The following PTPRN2 variants were observed in gnomAD, a reference collection of about 807,000 sequenced individuals.
PTPRN2 encodes the protein receptor-type tyrosine-protein phosphatase N2.
Under a neutral mutation model 118.8 loss-of-function variants are expected in PTPRN2, and 74 were observed. That is an observed-to-expected ratio of 0.62 (90% CI 0.52 to 0.76). The LOEUF (loss-of-function observed/expected upper bound fraction) is 0.76, where lower values mean the gene tolerates loss of function less well. PTPRN2 is among the 30% of genes least tolerant of loss of function. The pLI, the probability that PTPRN2 is intolerant of heterozygous loss-of-function variation, is 0.00. For synonymous variants in PTPRN2, 641 were observed against 608.0 expected (o/e 1.05, Z -0.80); for missense variants, 1,481 against 1,394.4 (o/e 1.06, Z -0.99).
rs1004064202 is a variant in PTPRN2, at chr7:158,301,792, A to G, written c.277+15027T>C. 2.0e-5 allele frequency among the ~76,000 whole-genome samples: 3 copies of G among 152,162 alleles called. No homozygotes were observed. In the South Asian group the frequency reaches 6.2e-4, roughly 32 times the overall value. Reference sequence around the variant, plus strand: ...GGCAAAACCCCATCTCTGCCAAAAAATACGAAAATTAGCTGGGCATGGTGG... The same window carrying G: ...GGCAAAACCCCATCTCTGCCAAAAAGTACGAAAATTAGCTGGGCATGGTGG... On this transcript the variant is annotated intron_variant, in intron 3 of 22. Coordinates refer to ENST00000389418, the MANE Select transcript of PTPRN2 (RefSeq NM_002847.5).
chr7:158,231,166 C>T (rs1473784491), intron 3 of PTPRN2, among the ~76,000 whole-genome samples: 1 of 152,106 alleles, frequency 6.6e-6, no homozygotes, highest in Non-Finnish European at 1.5e-5. Flanking sequence ...ACTTGGGATG[C>T]TGAGGTGGGA....
chr7:158,385,813 A>G (rs1308311807), intron 2 of PTPRN2, among the ~76,000 whole-genome samples: 2 of 151,814 alleles, frequency 1.3e-5, no homozygotes, highest in South Asian at 2.1e-4. Flanking sequence ...GGTGAACACC[A>G]TGGATTTCAT....
intron 9 of PTPRN2, among the ~76,000 whole-genome samples, chr7:158,130,711 CAT>C (rs1325413095): frequency 2.0e-5 from 3 of 151,562 alleles, no homozygotes; most frequent in Non-Finnish European, 2.9e-5. Context: ...AACACACACT[CAT>C]ATACACACAT....
chr7:158,108,261 C>T (rs1815850939), intron 10 of PTPRN2, among the ~76,000 whole-genome samples: 1 of 152,196 alleles, frequency 6.6e-6, no homozygotes, highest in East Asian at 1.9e-4. Flanking sequence ...AATAGCCCCC[C>T]CTCACCTGGA....
chr7:158,475,741 C>A (rs961621687), intron 2 of PTPRN2, among the ~76,000 whole-genome samples: 2 of 152,172 alleles, frequency 1.3e-5, no homozygotes, highest in Admixed American at 1.3e-4. Flanking sequence ...CAAGCCAAGG[C>A]ACACACACAC....
chr7:158,328,043 A>G (rs994649661), intron 2 of PTPRN2, among the ~76,000 whole-genome samples: 21 of 152,340 alleles, frequency 1.4e-4, no homozygotes, highest in African/African-American at 4.6e-4. Context: ...GAGGGAGAAA[A>G]AGCCCTTTAT....
At chr7:158,408,814 C>T (rs1280828855) in intron 2 of PTPRN2, among the ~76,000 whole-genome samples, 1 of 152,002 alleles carries the variant, frequency 6.6e-6, no homozygotes, top group East Asian at 1.9e-4. Flanking sequence ...TGAGATAAAA[C>T]GCTGCTAACG....
chr7:157,580,994 A>C (rs909274375), intron 17 of PTPRN2, among the ~76,000 whole-genome samples: 6 of 90,624 alleles, frequency 6.6e-5, no homozygotes, highest in Non-Finnish European at 1.1e-4. Flanking sequence ...ACACCCCAGC[A>C]CCTGCACACC....
chr7:158,337,661 A>G (rs1805938025), intron 2 of PTPRN2, among the ~76,000 whole-genome samples: 1 of 145,672 alleles, frequency 6.9e-6, no homozygotes, highest in African/African-American at 2.6e-5. Flanking sequence ...TCTCACCATA[A>G]TTGGTGACAC....
intron 3 of PTPRN2, among the ~76,000 whole-genome samples, chr7:158,245,206 CCA>C (rs1796153739): frequency 1.0e-5 from 1 of 100,036 alleles, no homozygotes; most frequent in Non-Finnish European, 2.2e-5. Context: ...ATGCTGGAAT[CCA>C]CGGTCATGCC....
At chr7:158,175,985 C>G (rs748457524) in intron 5 of PTPRN2, among the ~76,000 whole-genome samples, 1 of 151,516 alleles carries the variant, frequency 6.6e-6, no homozygotes, top group African/African-American at 2.4e-5. Context: ...CTGAGACTCA[C>G]GACATCGTGA....
At position 157,583,263 on chromosome 7, in the gene PTPRN2, T is replaced by G. The variant is rs1480096416; in HGVS notation, c.2497-5123A>C. ...CATGATCTCACTCACATGTGGCACCTAAAAAGGACGAACTCAGGGACAGAG... is the reference window on the plus strand; with the variant it reads ...CATGATCTCACTCACATGTGGCACCGAAAAAGGACGAACTCAGGGACAGAG... On this transcript the variant is annotated intron_variant, in intron 17 of 22. Transcript: ENST00000389418. This position sits in a 1 kb window ranked among gnomAD's most constrained non-coding sequence, Gnocchi z 5.5. Among the ~76,000 whole-genome samples, 6 of 152,004 alleles carry G rather than the reference T, an allele frequency of 3.9e-5. No individual in the cohort carries two copies. Among genetic ancestry groups the G allele is most frequent in the Admixed American group, 3.9e-4 (6 of 15,262 alleles).
rs534066901 is a variant in PTPRN2, at chr7:157,556,126, C to T, written c.2903-7107G>A. 2.0e-5 allele frequency among the ~76,000 whole-genome samples: 3 copies of T among 152,294 alleles called. No individual in the cohort carries two copies. In the East Asian group the frequency reaches 5.8e-4, roughly 29 times the overall value. On this transcript the variant is annotated intron_variant, in intron 21 of 22. Transcript: ENST00000389418. ...ACTGTGGTTGGGGATGCTCTGGGTG[C>T]CCCACACGGTTCAAGCCCTCCCCAG...
chr7:158,300,795 C>G (rs1357305469), intron 3 of PTPRN2, among the ~76,000 whole-genome samples: 1 of 152,088 alleles, frequency 6.6e-6, no homozygotes, highest in Middle Eastern at 3.2e-3. Context: ...GGGAGGTGGG[C>G]AGCCCACAGT....
intron 11 of PTPRN2, among the ~76,000 whole-genome samples, chr7:158,026,942 G>T (rs535218346): frequency 6.6e-6 from 1 of 152,344 alleles, no homozygotes; most frequent in Non-Finnish European, 1.5e-5. Context: ...ACTGCCCTAG[G>T]TATGCTGGTG....
At chr7:158,458,950 C>T (rs1733162) in intron 2 of PTPRN2, among the ~76,000 whole-genome samples, 83,748 of 151,974 alleles carry the variant, frequency 0.55, 23,286 homozygotes, top group African/African-American at 0.56. Flanking sequence ...GCAGGGAGCA[C>T]TGGCAAAGGA....
At chr7:158,070,752 C>G (rs111161552) in intron 11 of PTPRN2, among the ~76,000 whole-genome samples, 1 of 86,342 alleles carries the variant, frequency 1.2e-5, no homozygotes, top group African/African-American at 5.8e-5. Flanking sequence ...TGGAGGTGCC[C>G]GTGGTGGTGG....
At chr7:157,725,228 C>T (rs1457839370) in intron 12 of PTPRN2, among the ~76,000 whole-genome samples, 2 of 141,586 alleles carry the variant, frequency 1.4e-5, no homozygotes, top group East Asian at 4.4e-4. Flanking sequence ...CCTCGCCTCC[C>T]AGGAGAACTG....
At chr7:158,186,756 C>T (rs1825196210) in intron 5 of PTPRN2, among the ~76,000 whole-genome samples, 1 of 152,272 alleles carries the variant, frequency 6.6e-6, no homozygotes, top group Non-Finnish European at 1.5e-5. Context: ...GTGTTCCCTC[C>T]ATCACAGCAC....
Sources: allele counts gnomAD v4.1 joint callset (sites outside exome capture counted in the v4.1 genomes callset), GRCh38; gene constraint gnomAD v4.1.1; non-coding constraint Gnocchi (gnomAD v3.1); transcripts MANE v1.5; gene names NCBI Gene and HGNC (gene_info 2026-07-23, HGNC 2026-07-21).